The following BMPR1A variants were observed in gnomAD, a reference collection of about 807,000 sequenced individuals.
BMPR1A encodes the protein bone morphogenetic protein receptor type 1A, also known as bone morphogenetic protein receptor type-1A.
A neutral mutation model predicts 66.0 loss-of-function variants in BMPR1A; 7 were observed. That is an observed-to-expected ratio of 0.11 (90% CI 0.06 to 0.20). The LOEUF is 0.20. BMPR1A is among the 10% of genes least tolerant of loss of function. The probability of loss-of-function intolerance (pLI) is 1.00; values close to 1 mark genes in which losing one functional copy is unlikely to be tolerated. For missense variants in BMPR1A, 408 were observed against 669.1 expected, an observed-to-expected ratio of 0.61 and a Z score of 4.31; for synonymous variants, 200 against 229.7, an observed-to-expected ratio of 0.87 and a Z score of 1.17.
intron 2 of BMPR1A, among the ~76,000 whole-genome samples, chr10:86,850,458 G>A (rs527972087): frequency 6.6e-6 from 1 of 152,102 alleles, no homozygotes; most frequent in African/African-American, 2.4e-5. Flanking sequence ...GTCACCTGGG[G>A]GTCTTGTTAG....
chr10:86,893,787 C>CAG (rs766262801), intron 5 of BMPR1A, among the ~76,000 whole-genome samples: 1 of 133,478 alleles, frequency 7.5e-6, no homozygotes, highest in African/African-American at 2.8e-5. Flanking sequence ...GACTCTGTCT[C>CAG]AAAAAAAAAA....
intron 7 of BMPR1A, among the ~76,000 whole-genome samples, chr10:86,904,272 A>T (rs188673300): frequency 2.2e-4 from 34 of 152,360 alleles, no homozygotes; most frequent in South Asian, 4.1e-4. Flanking sequence ...TATAAGAAAC[A>T]TGAAGAAAAC....
chr10:86,932,807 G>A (rs1843823689), downstream of BMPR1A: 1 of 152,238 alleles, frequency 6.6e-6, no homozygotes, highest in Non-Finnish European at 1.5e-5. Flanking sequence ...TCTTCACACT[G>A]CTTCTGAAAT....
chr10:86,839,735 A>C (rs1842399612), intron 2 of BMPR1A, among the ~76,000 whole-genome samples: 1 of 151,230 alleles, frequency 6.6e-6, no homozygotes, highest in African/African-American at 2.4e-5. Context: ...TGCAGTGAGC[A>C]TAGTTTCAAC....
upstream of BMPR1A, chr10:86,756,368 A>G (rs1286412806): frequency 6.6e-6 from 1 of 152,022 alleles, no homozygotes; most frequent in Non-Finnish European, 1.5e-5. Flanking sequence ...CCGCACCAGC[A>G]GCTCGGCGCC....
chr10:86,774,016 A>G (rs1024866484), intron 1 of BMPR1A, among the ~76,000 whole-genome samples: 5 of 151,870 alleles, frequency 3.3e-5, no homozygotes, highest in African/African-American at 9.7e-5. Context: ...ACACCTGGCT[A>G]ATTTTTGTAT....
chr10:86,765,989 C>CTTTTTTTTTTTTTTTTTT (rs67035271), intron 1 of BMPR1A, among the ~76,000 whole-genome samples: 12 of 131,798 alleles, frequency 9.1e-5, no homozygotes, highest in South Asian at 2.5e-4. Flanking sequence ...TTTCCTCATT[C>CTTTTTTTTTTTTTTTTTT]TTTTTTTTTT....
At chr10:86,932,312 T>C (rs1843819654), downstream of BMPR1A, 1 of 152,212 alleles carries the variant, frequency 6.6e-6, no homozygotes, top group Non-Finnish European at 1.5e-5. Flanking sequence ...ATTGATACAA[T>C]AGCAATGACC....
At chr10:86,795,703 T>G (rs1436817572) in intron 1 of BMPR1A, among the ~76,000 whole-genome samples, 1 of 152,214 alleles carries the variant, frequency 6.6e-6, no homozygotes, top group Non-Finnish European at 1.5e-5. Flanking sequence ...GAGTACCATT[T>G]TAACTTAAAT....
At chr10:86,778,952 G>C (rs1841396470) in intron 1 of BMPR1A, among the ~76,000 whole-genome samples, 1 of 140,304 alleles carries the variant, frequency 7.1e-6, no homozygotes. Flanking sequence ...TTTTTAAGTA[G>C]AGATGGGGTT....
chr10:86,843,461 A>G (rs920424797), intron 2 of BMPR1A: 1 of 152,236 alleles, frequency 6.6e-6, no homozygotes, highest in East Asian at 1.9e-4. Context: ...CAAAGGAGGA[A>G]TCAGAAAGTA....
chr10:86,904,947 CTG>C (rs1843364429), intron 7 of BMPR1A, among the ~76,000 whole-genome samples: 1 of 152,280 alleles, frequency 6.6e-6, no homozygotes, highest in South Asian at 2.1e-4. Context: ...TATATACAAT[CTG>C]TAATTTGGAA....
rs188879670 is a variant in BMPR1A at position 86,860,230 on chromosome 10, A to C, written c.-152-15637A>C. On this transcript the variant is annotated intron_variant, in intron 2 of 12. Transcript: ENST00000372037. Reference sequence around the variant, plus strand: ...TAGGATAAAACACTAGATAACAATGAAAATGAATTAAGAAGAACTACAAGT... The same window carrying C: ...TAGGATAAAACACTAGATAACAATGCAAATGAATTAAGAAGAACTACAAGT... 3.3e-3 allele frequency among the ~76,000 whole-genome samples: 498 copies of C among 152,360 alleles called. 1 individual carries two copies. Among genetic ancestry groups the C allele is most frequent in the Middle Eastern group, 6.8e-3 (2 of 294 alleles).
At chr10:86,907,255 A>G (rs1843408951) in intron 7 of BMPR1A, among the ~76,000 whole-genome samples, 1 of 152,234 alleles carries the variant, frequency 6.6e-6, no homozygotes, top group Admixed American at 6.5e-5. Context: ...GTTGTACATC[A>G]TGTTAAGAAT....
chr10:86,803,325 T>G (rs1841839184), intron 1 of BMPR1A, among the ~76,000 whole-genome samples: 1 of 135,016 alleles, frequency 7.4e-6, no homozygotes, highest in Non-Finnish European at 1.6e-5. Flanking sequence ...AAGCAGTCCT[T>G]GGCTTCCACA....
At position 86,759,236 on chromosome 10, in the gene BMPR1A, C is replaced by T. The variant is rs886159609; in HGVS notation, c.-268+2317C>T. On this transcript the variant is annotated intron_variant, in intron 1 of 12. Transcript: ENST00000372037. ...ACATTATACTGACTTTGTTCCTCTC[C>T]GCCACTTTTCTGCCTTCTGTTTCTT... Among the ~76,000 whole-genome samples the T allele has an allele frequency of 5.3e-5, 8 of 152,070 alleles. 1 individual carries two copies. Among genetic ancestry groups the T allele is most frequent in the Admixed American group, 3.9e-4 (6 of 15,252 alleles).
chr10:86,843,257 T>C (rs1842447780), intron 2 of BMPR1A: 1 of 152,256 alleles, frequency 6.6e-6, no homozygotes, highest in South Asian at 2.1e-4. Flanking sequence ...TTTGGCCCTT[T>C]CTCTCTTGTG....
At chr10:86,849,751 A>G (rs960332352) in intron 2 of BMPR1A, among the ~76,000 whole-genome samples, 1 of 152,210 alleles carries the variant, frequency 6.6e-6, no homozygotes, top group African/African-American at 2.4e-5. Flanking sequence ...AGTATCTAGA[A>G]CAATGCCTGG....
intron 1 of BMPR1A, among the ~76,000 whole-genome samples, chr10:86,810,555 T>C (rs1841954442): frequency 6.6e-6 from 1 of 152,228 alleles, no homozygotes; most frequent in Non-Finnish European, 1.5e-5. Context: ...AGTTCCAGCT[T>C]CTCTGCATCC....
Sources: gnomAD v4.1 joint callset for allele counts (sites outside exome capture counted in the v4.1 genomes callset) on GRCh38, gnomAD v4.1.1 for gene constraint, MANE v1.5 for transcripts, NCBI Gene and HGNC (gene_info 2026-07-23, HGNC 2026-07-21) for gene names.